SPAG16: variants seen among roughly 807,000 people sequenced by gnomAD.
The protein encoded by SPAG16 is sperm associated antigen 16.
SPAG16 carries 86 observed loss-of-function variants against 80.4 expected under a neutral mutation model. That is an observed-to-expected ratio of 1.07 (90% confidence interval 0.90 to 1.28). The LOEUF (loss-of-function observed/expected upper bound fraction) is 1.28, where lower values mean the gene tolerates loss of function less well. Ranked by LOEUF, SPAG16 falls within the 50% of genes most tolerant of loss-of-function variation. The pLI, the probability that SPAG16 is intolerant of heterozygous loss-of-function variation, is 0.00. For synonymous variants in SPAG16, 294 were observed against 265.9 expected, an observed-to-expected ratio of 1.11 and a Z score of -1.03; for missense variants, 870 against 765.3, an observed-to-expected ratio of 1.14 and a Z score of -1.61.
At chr2:213,306,739 T>G (rs188880624) in intron 3 of SPAG16, among the ~76,000 whole-genome samples, 1 of 152,160 alleles carries the variant, frequency 6.6e-6, no homozygotes, top group African/African-American at 2.4e-5. Flanking sequence ...AGCACTATTT[T>G]CGAATGTAAA....
chr2:213,515,203 T>C (rs572911631), intron 10 of SPAG16, among the ~76,000 whole-genome samples: 2 of 152,192 alleles, frequency 1.3e-5, no homozygotes, highest in Non-Finnish European at 2.9e-5. Flanking sequence ...TGAATCAATT[T>C]AAAGGTTACT....
chr2:213,911,541 A>G (rs1224245689), intron 11 of SPAG16, among the ~76,000 whole-genome samples: 2 of 152,246 alleles, frequency 1.3e-5, no homozygotes, highest in South Asian at 2.1e-4. Flanking sequence ...TGAAACCATT[A>G]TAGGAAATAC....
intron 10 of SPAG16, among the ~76,000 whole-genome samples, chr2:213,695,355 T>C (rs1421896604): frequency 6.6e-6 from 1 of 152,200 alleles, no homozygotes; most frequent in African/African-American, 2.4e-5. Flanking sequence ...GATAATTCCT[T>C]CAACTATGCT....
chr2:214,123,162 A>G (rs191767200), intron 14 of SPAG16, among the ~76,000 whole-genome samples: 18 of 152,094 alleles, frequency 1.2e-4, no homozygotes, highest in East Asian at 3.9e-4. Flanking sequence ...ATAAATTAAT[A>G]GAAGTATTCT....
chr2:213,995,026 A>G (rs988243948), intron 12 of SPAG16, among the ~76,000 whole-genome samples: 1 of 152,216 alleles, frequency 6.6e-6, no homozygotes, highest in Non-Finnish European at 1.5e-5. Context: ...GGTAAATATT[A>G]AAAATATGCT....
At position 214,100,660 on chromosome 2, in the gene SPAG16, T is replaced by C. The variant is rs79015376; in HGVS notation, c.1528-7536T>C. 8.4e-3 allele frequency among the ~76,000 whole-genome samples: 1,277 copies of C among 152,248 alleles called. 20 individuals carry two copies. The highest frequency in any genetic ancestry group is 0.029 in the African/African-American group (1,212 of 41,558). ...TTTCGTTTTCTGTTCCTTGTTGCTATGTTAGTTCACTTAAGATAATGACCT... is the reference window on the plus strand; with the variant it reads ...TTTCGTTTTCTGTTCCTTGTTGCTACGTTAGTTCACTTAAGATAATGACCT... On this transcript the variant is annotated intron_variant, in intron 13 of 15. Coordinates refer to ENST00000331683, the MANE Select transcript of SPAG16 (RefSeq NM_024532.5).
chr2:213,348,060 C>G (rs1205096680), intron 6 of SPAG16, among the ~76,000 whole-genome samples: 1 of 152,150 alleles, frequency 6.6e-6, no homozygotes, highest in East Asian at 1.9e-4. Context: ...CTTTAAGAAT[C>G]TGGGTGCTCC....
chr2:213,358,876 T>A (rs2065822273), intron 7 of SPAG16, among the ~76,000 whole-genome samples: 1 of 152,340 alleles, frequency 6.6e-6, no homozygotes, highest in African/African-American at 2.4e-5. Flanking sequence ...CTGCTCTTGT[T>A]TCTCTCCATC....
At chr2:213,393,160 G>T (rs1185670017) in intron 9 of SPAG16, among the ~76,000 whole-genome samples, 2 of 151,588 alleles carry the variant, frequency 1.3e-5, no homozygotes, top group Non-Finnish European at 2.9e-5. Context: ...TGCATGTATA[G>T]CCCTGGATCA....
intron 10 of SPAG16, among the ~76,000 whole-genome samples, chr2:213,633,505 T>C (rs1045585065): frequency 2.6e-5 from 4 of 152,164 alleles, no homozygotes; most frequent in Admixed American, 1.3e-4. Flanking sequence ...CTGTAGCTCT[T>C]AGATGAAATG....
chr2:214,177,900 CATATATATATATATACATAT>C (rs1344313333), intron 15 of SPAG16, among the ~76,000 whole-genome samples: 4 of 64,006 alleles, frequency 6.2e-5, no homozygotes, highest in African/African-American at 1.0e-4. Context: ...TATATATATA[CATATATATATATATACATAT>C]ATATATATAT....
At chr2:213,424,522 C>T (rs1200300129) in intron 9 of SPAG16, among the ~76,000 whole-genome samples, 2 of 152,028 alleles carry the variant, frequency 1.3e-5, no homozygotes, top group Non-Finnish European at 2.9e-5. Context: ...GGCTAATTTA[C>T]TGGAGTTATC....
At chr2:214,064,202 A>G (rs1181976432) in intron 13 of SPAG16, among the ~76,000 whole-genome samples, 3 of 152,186 alleles carry the variant, frequency 2.0e-5, no homozygotes, top group Admixed American at 2.0e-4. Context: ...AAAGCATAAT[A>G]TCTAGTTGCT....
At chr2:213,949,179 T>TTTGTTTTTTTTTTTTTTTTTGTTTTG (rs1553677654) in intron 12 of SPAG16, among the ~76,000 whole-genome samples, 2 of 36,244 alleles carry the variant, frequency 5.5e-5, no homozygotes, top group Non-Finnish European at 1.1e-4. Context: ...GTTTTTTTTT[T>TTTGTTTTTTTTTTTTTTTTTGTTTTG]TTTTTTTTTT....
intron 10 of SPAG16, among the ~76,000 whole-genome samples, chr2:213,602,972 A>T (rs2061121706): frequency 6.6e-6 from 1 of 152,204 alleles, no homozygotes; most frequent in Non-Finnish European, 1.5e-5. Context: ...GCATATTTGC[A>T]ATTGGTGCTA....
At chr2:214,056,127 C>A (rs1246644592) in intron 13 of SPAG16, among the ~76,000 whole-genome samples, 1 of 152,032 alleles carries the variant, frequency 6.6e-6, no homozygotes, top group Non-Finnish European at 1.5e-5. Flanking sequence ...CTTAATACCC[C>A]CTTTACTATA....
chr2:213,350,276 G>A (rs986994112), intron 6 of SPAG16, among the ~76,000 whole-genome samples: 1 of 152,142 alleles, frequency 6.6e-6, no homozygotes, highest in Non-Finnish European at 1.5e-5. Flanking sequence ...CTTGGACACA[G>A]CAAAAGGTGC....
rs182889502 is a variant in SPAG16 at position 213,349,246 on chromosome 2, A to G, written c.645-1282A>G. Among the ~76,000 whole-genome samples, 10 of 152,344 alleles carry G rather than the reference A, an allele frequency of 6.6e-5. 1 individual carries two copies. Among genetic ancestry groups the G allele is most frequent in the African/African-American group, 2.4e-4 (10 of 41,592 alleles). ...TGCTTATTTTAGAAAATAAAGTTTT[A>G]AAACCAATGATGTCATCTTAGAAGC... On this transcript the variant is annotated intron_variant, in intron 6 of 15. Coordinates refer to ENST00000331683, the MANE Select transcript of SPAG16 (RefSeq NM_024532.5).
intron 10 of SPAG16, among the ~76,000 whole-genome samples, chr2:213,772,929 A>T (rs982677896): frequency 6.6e-6 from 1 of 152,000 alleles, no homozygotes; most frequent in Non-Finnish European, 1.5e-5. Flanking sequence ...CTTTCATTAA[A>T]TTGGTCCCTA....
Sources: allele counts gnomAD v4.1 joint callset (sites outside exome capture counted in the v4.1 genomes callset), GRCh38; gene constraint gnomAD v4.1.1; transcripts MANE v1.5; gene names NCBI Gene and HGNC (gene_info 2026-07-23, HGNC 2026-07-21).